The following GALNT17 variants were observed in gnomAD, a reference collection of about 807,000 sequenced individuals.
GALNT17 encodes the protein polypeptide N-acetylgalactosaminyltransferase 17, also known as UDP-GalNAc:polypeptide N-acetylgalactosaminyltransferase-like 3.
In GALNT17, 29 loss-of-function variants were observed where a neutral mutation model predicts 63.7. That is an observed-to-expected ratio of 0.46 (90% confidence interval 0.34 to 0.62). The LOEUF (loss-of-function observed/expected upper bound fraction) is 0.62, where lower values mean the gene tolerates loss of function less well. Among genes scored for constraint, GALNT17 ranks in the 20% least tolerant of loss-of-function variants. The probability of loss-of-function intolerance (pLI) is 0.01; values close to 1 mark genes in which losing one functional copy is unlikely to be tolerated. For missense variants in GALNT17, 603 were observed against 799.6 expected, an observed-to-expected ratio of 0.75 and a Z score of 2.97; for synonymous variants, 305 against 318.3, an observed-to-expected ratio of 0.96 and a Z score of 0.45.
intron 5 of GALNT17, among the ~76,000 whole-genome samples, chr7:71,534,408 G>A (rs1378049067): frequency 6.6e-6 from 1 of 152,012 alleles, no homozygotes; most frequent in Non-Finnish European, 1.5e-5. Context: ...GACCATCCTG[G>A]CCAACAAGGT....
intron 5 of GALNT17, among the ~76,000 whole-genome samples, chr7:71,458,179 T>A (rs1787387861): frequency 6.6e-6 from 1 of 152,290 alleles, no homozygotes; most frequent in Admixed American, 6.5e-5. Flanking sequence ...AAGGATTCTA[T>A]CCTGTGCATT....
chr7:71,674,639 C>T (rs1205709746), intron 8 of GALNT17, among the ~76,000 whole-genome samples: 2 of 152,160 alleles, frequency 1.3e-5, no homozygotes, highest in Non-Finnish European at 2.9e-5. Context: ...CCTCAGACTC[C>T]TGAGTAGCTG....
intron 6 of GALNT17, among the ~76,000 whole-genome samples, chr7:71,578,853 AT>A (rs1203925550): frequency 6.6e-6 from 1 of 151,962 alleles, no homozygotes; most frequent in Non-Finnish European, 1.5e-5. Flanking sequence ...CCATCCATCC[AT>A]GTTAACCAAG....
At chr7:71,422,821 A>G (rs527600594) in intron 5 of GALNT17, among the ~76,000 whole-genome samples, 75 of 152,352 alleles carry the variant, frequency 4.9e-4, no homozygotes, top group South Asian at 2.5e-3. Flanking sequence ...CAGAAAAACC[A>G]GATCACATGT....
At chr7:71,660,092 C>G (rs567647095) in intron 6 of GALNT17, among the ~76,000 whole-genome samples, 12 of 152,340 alleles carry the variant, frequency 7.9e-5, no homozygotes, top group African/African-American at 2.9e-4. Flanking sequence ...TGTCTACTAG[C>G]ACCTCTCATT....
intron 6 of GALNT17, among the ~76,000 whole-genome samples, chr7:71,593,126 G>A (rs1427576554): frequency 2.0e-5 from 3 of 150,202 alleles, no homozygotes; most frequent in Non-Finnish European, 4.4e-5. Context: ...CTGCAGTCTA[G>A]GCAACAGACC....
intron 10 of GALNT17, 145 bp downstream of exon 10, chr7:71,711,073 C>A: frequency 9.4e-7 from 1 of 1,065,714 alleles, no homozygotes; most frequent in Non-Finnish European, 1.3e-6. Context: ...CTTGTGGACC[C>A]AAAGCACTTC....
At chr7:71,308,141 C>T (rs1332925449) in intron 1 of GALNT17, among the ~76,000 whole-genome samples, 1 of 152,064 alleles carries the variant, frequency 6.6e-6, no homozygotes, top group African/African-American at 2.4e-5. Flanking sequence ...AGCAAGGAAA[C>T]AAAGTATATA....
intron 1 of GALNT17, among the ~76,000 whole-genome samples, chr7:71,158,903 A>G (rs1253691272): frequency 6.6e-6 from 1 of 151,774 alleles, no homozygotes; most frequent in East Asian, 1.9e-4. Flanking sequence ...GAGACGTGAA[A>G]TGTTTCTTTG....
At position 71,277,494 on chromosome 7, in the gene GALNT17, G is replaced by A. The variant is rs1304788757; in HGVS notation, c.239-58056G>A. ...CATGGACCCTGAACCTAAAATTGAA[G>A]AAAACAAAATATATTTTAAAAAGAA... is the stretch of plus-strand genomic sequence containing the variant. On this transcript the variant is annotated intron_variant, in intron 1 of 10. Coordinates refer to ENST00000333538, the MANE Select transcript of GALNT17 (RefSeq NM_022479.3). Among the ~76,000 whole-genome samples, 8 of 152,038 alleles carry A rather than the reference G, an allele frequency of 5.3e-5. No homozygotes were observed. The South Asian group carries it at 1.7e-3, about 32-fold the overall frequency.
rs550207048 is a variant in GALNT17 at position 71,370,880 on chromosome 7, A to C, written c.423-17355A>C. Among the ~76,000 whole-genome samples, 5 of 152,210 alleles carry C rather than the reference A, an allele frequency of 3.3e-5. No homozygotes were observed. The South Asian group carries it at 6.2e-4, about 19-fold the overall frequency. On this transcript the variant is annotated intron_variant, in intron 2 of 10. Coordinates refer to ENST00000333538, the MANE Select transcript of GALNT17 (RefSeq NM_022479.3). ...CTCAGCCTCCCAAAGTGCTGAGATT[A>C]CAGGCATGAACCACTGTGCCTCGTC... is the stretch of plus-strand genomic sequence containing the variant.
At chr7:71,324,352 C>G (rs964618115) in intron 1 of GALNT17, among the ~76,000 whole-genome samples, 5 of 152,044 alleles carry the variant, frequency 3.3e-5, no homozygotes, top group African/African-American at 1.2e-4. Context: ...AGGAGATATT[C>G]AGAGTTCACA....
Position 71,604,882 on chromosome 7 carries a change from T to C in GALNT17, c.1080+33480T>C, listed in dbSNP as rs183015775. On this transcript the variant is annotated intron_variant, in intron 6 of 10. Transcript: ENST00000333538. ...TCCTGCTGTTGAGGTTCTTCTCCTG[T>C]CTTGCTCAGAAAAGAACACACCCAT... Among the ~76,000 whole-genome samples the C allele has an allele frequency of 3.2e-3, 488 of 152,310 alleles. 3 individuals are homozygous for C. Among genetic ancestry groups the C allele is most frequent in the Middle Eastern group, 0.014 (4 of 294 alleles).
chr7:71,235,988 TA>T (rs1355502793), intron 1 of GALNT17, among the ~76,000 whole-genome samples: 5 of 152,168 alleles, frequency 3.3e-5, no homozygotes, highest in African/African-American at 1.2e-4. Flanking sequence ...GAGACCAGGC[TA>T]ACCAACATGG....
chr7:71,195,671 C>T (rs992696732), intron 1 of GALNT17, among the ~76,000 whole-genome samples: 2 of 148,716 alleles, frequency 1.3e-5, no homozygotes, highest in African/African-American at 5.0e-5. Flanking sequence ...CCTCAGCCTC[C>T]TAAGTAGCTG....
chr7:71,235,948 G>A (rs1023129281), intron 1 of GALNT17, among the ~76,000 whole-genome samples: 1 of 152,308 alleles, frequency 6.6e-6, no homozygotes. Flanking sequence ...GGCATGCTGA[G>A]GCGGGTGGAT....
chr7:71,638,927 G>T (rs1790566009), intron 6 of GALNT17, among the ~76,000 whole-genome samples: 1 of 152,114 alleles, frequency 6.6e-6, no homozygotes, highest in Non-Finnish European at 1.5e-5. Flanking sequence ...GTTATCAGAG[G>T]CTGGGAAGGG....
At chr7:71,673,013 T>C (rs1227899793) in intron 8 of GALNT17, among the ~76,000 whole-genome samples, 5 of 151,498 alleles carry the variant, frequency 3.3e-5, no homozygotes, top group Admixed American at 1.3e-4. Context: ...TTTTTCCCCC[T>C]ATCCGCAAAT....
At chr7:71,707,829 G>A (rs957132709) in intron 9 of GALNT17, among the ~76,000 whole-genome samples, 2 of 152,230 alleles carry the variant, frequency 1.3e-5, no homozygotes, top group African/African-American at 2.4e-5. Context: ...TCTAGGAACA[G>A]GCACAGCCTC....
Sources: gnomAD v4.1 joint callset for allele counts (sites outside exome capture counted in the v4.1 genomes callset) on GRCh38, gnomAD v4.1.1 for gene constraint, MANE v1.5 for transcripts, NCBI Gene and HGNC (gene_info 2026-07-23, HGNC 2026-07-21) for gene names.